Variants in STK3 observed in about 807,000 individuals in gnomAD.
The protein encoded by STK3 is serine/threonine kinase 3, also known as serine/threonine-protein kinase 3.
Under a neutral mutation model 58.0 loss-of-function variants are expected in STK3, and 41 were observed. The observed-to-expected ratio is 0.71, with a 90% CI of 0.55 to 0.92. STK3 has a LOEUF of 0.92. STK3 is among the 40% of genes least tolerant of loss of function. STK3 has a pLI of 0.00. For synonymous variants in STK3, 170 were observed against 191.0 expected, an observed-to-expected ratio of 0.89 and a Z score of 0.91; for missense variants, 479 against 602.7, an observed-to-expected ratio of 0.79 and a Z score of 2.15.
intron 3 of STK3, among the ~76,000 whole-genome samples, chr8:98,837,123 A>G (rs1392481900): frequency 6.6e-6 from 1 of 152,172 alleles, no homozygotes; most frequent in African/African-American, 2.4e-5. Flanking sequence ...AGGTACCTGG[A>G]TCACACTTTA....
chr8:98,789,901 A>G (rs1832698542), intron 1 of STK3, among the ~76,000 whole-genome samples: 1 of 151,996 alleles, frequency 6.6e-6, no homozygotes. Context: ...GGTGGTAAGC[A>G]GCTGTAGTCC....
chr8:98,673,041 T>A (rs1355242709), intron 6 of STK3, among the ~76,000 whole-genome samples: 1 of 152,198 alleles, frequency 6.6e-6, no homozygotes, highest in African/African-American at 2.4e-5. Context: ...ATCAAAAATA[T>A]CAGAAAGATA....
chr8:98,426,162 C>G (rs3935841), intron 3 of STK3, among the ~76,000 whole-genome samples: 3 of 152,118 alleles, frequency 2.0e-5, no homozygotes, highest in Non-Finnish European at 4.4e-5. Context: ...GCAAGCACAC[C>G]GCTCTCAACA....
At chr8:98,459,420 G>C (rs910509953) in intron 10 of STK3, among the ~76,000 whole-genome samples, 8 of 152,210 alleles carry the variant, frequency 5.3e-5, no homozygotes, top group Non-Finnish European at 8.8e-5. Flanking sequence ...GTTTAAAAGG[G>C]AAGCAGAGCA....
chr8:98,388,928 A>G (rs1216642377), upstream of STK3, among the ~76,000 whole-genome samples: 3 of 152,262 alleles, frequency 2.0e-5, no homozygotes, highest in East Asian at 1.9e-4. Flanking sequence ...TGCCACTTAC[A>G]TTACTGAGAA....
At chr8:98,725,274 A>G (rs995957437) in intron 4 of STK3, among the ~76,000 whole-genome samples, 2 of 152,220 alleles carry the variant, frequency 1.3e-5, no homozygotes, top group African/African-American at 4.8e-5. Flanking sequence ...CAAGATATAC[A>G]TACATATGTG....
At chr8:98,798,433 T>G (rs1564011624) in intron 1 of STK3, among the ~76,000 whole-genome samples, 1 of 152,202 alleles carries the variant, frequency 6.6e-6, no homozygotes, top group African/African-American at 2.4e-5. Context: ...ATAAAGGTAA[T>G]GTTTTTAATC....
intron 10 of STK3, among the ~76,000 whole-genome samples, chr8:98,496,979 A>C (rs1035794440): frequency 1.3e-5 from 2 of 152,150 alleles, no homozygotes. Context: ...AAAATAAAAA[A>C]AATTTTTAAA....
chr8:98,776,210 G>A (rs781345613), intron 1 of STK3, among the ~76,000 whole-genome samples: 5 of 152,138 alleles, frequency 3.3e-5, no homozygotes, highest in Non-Finnish European at 5.9e-5. Flanking sequence ...AATGCAGAAG[G>A]CACACTAAGT....
intron 1 of STK3, among the ~76,000 whole-genome samples, chr8:98,793,502 T>A (rs1486886272): frequency 6.6e-6 from 1 of 152,110 alleles, no homozygotes; most frequent in African/African-American, 2.4e-5. Flanking sequence ...CACTCCAGTC[T>A]GGGCAATCAG....
intron 10 of STK3, among the ~76,000 whole-genome samples, chr8:98,525,599 A>C (rs1825688488): frequency 1.3e-5 from 2 of 152,102 alleles, no homozygotes; most frequent in Admixed American, 6.6e-5. Context: ...TTAGGACTAA[A>C]GATGTATTGA....
chr8:98,870,544 G>A (rs1486412542), intron 3 of STK3, among the ~76,000 whole-genome samples: 1 of 152,198 alleles, frequency 6.6e-6, no homozygotes, highest in Non-Finnish European at 1.5e-5. Flanking sequence ...TCTAACTGGT[G>A]TGAGATGGTA....
intron 10 of STK3, among the ~76,000 whole-genome samples, chr8:98,479,283 T>TA (rs1443542410): frequency 6.6e-6 from 1 of 152,000 alleles, no homozygotes; most frequent in African/African-American, 2.4e-5. Flanking sequence ...GGTCAGGAGT[T>TA]AGAGACCAGC....
intron 1 of STK3, among the ~76,000 whole-genome samples, chr8:98,789,390 A>G (rs1020051980): frequency 2.0e-5 from 3 of 152,172 alleles, no homozygotes; most frequent in Admixed American, 1.3e-4. Flanking sequence ...CAGTATAAGA[A>G]AGGAAATAAC....
At chr8:98,351,486 G>C in the STK3 span, among the ~76,000 whole-genome samples, 1 of 152,114 alleles carries the variant, frequency 6.6e-6, no homozygotes, top group Non-Finnish European at 1.5e-5. Context: ...AGTAATTGTA[G>C]GATATTCTAA....
At chr8:98,696,080 G>A (rs1309734721) in intron 6 of STK3, among the ~76,000 whole-genome samples, 14 of 152,024 alleles carry the variant, frequency 9.2e-5, no homozygotes, top group Non-Finnish European at 1.8e-4. Flanking sequence ...GGTCCTTCAT[G>A]TCCCTTGTAA....
At chr8:98,722,738 A>G (rs908043589) in intron 4 of STK3, 1 of 182,666 alleles carries the variant, frequency 5.5e-6, no homozygotes, top group Non-Finnish European at 1.2e-5. Flanking sequence ...AATTTAAAGC[A>G]GTACCTTTCT....
intron 1 of STK3, chr8:98,905,193 C>T: frequency 9.7e-7 from 1 of 1,029,090 alleles, no homozygotes; most frequent in Non-Finnish European, 1.5e-6. Context: ...ACACTGGTCT[C>T]CCATTCCAGG....
chr8:98,724,790 G>C (rs1204705814), intron 4 of STK3, among the ~76,000 whole-genome samples: 5 of 152,132 alleles, frequency 3.3e-5, no homozygotes, highest in Non-Finnish European at 7.4e-5. Context: ...AGAAGACGAA[G>C]AAGAGTCAGA....
Sources: allele counts gnomAD v4.1 joint callset (sites outside exome capture counted in the v4.1 genomes callset), GRCh38; gene constraint gnomAD v4.1.1; transcripts MANE v1.5; gene names NCBI Gene and HGNC (gene_info 2026-07-23, HGNC 2026-07-21).